SYCE1: variants seen among roughly 807,000 people sequenced by gnomAD.
The protein encoded by SYCE1 is cancer/testis antigen 76.
A neutral mutation model predicts 55.1 loss-of-function variants in SYCE1; 37 were observed. The observed-to-expected ratio is 0.67, with a 90% CI of 0.52 to 0.88. The LOEUF (loss-of-function observed/expected upper bound fraction) is 0.88. Ranked by LOEUF, SYCE1 falls within the 40% of genes least tolerant of loss-of-function variation. SYCE1 has a pLI of 0.00. For synonymous variants in SYCE1, 163 were observed against 159.4 expected (o/e 1.02, Z -0.17); for missense variants, 399 against 416.4 (o/e 0.96, Z 0.36).
chr10:133,555,460 G>T (rs762993738), intron 11 of SYCE1, 22 bp from the exon 12 acceptor site: 1 of 1,613,574 alleles, frequency 6.2e-7, no homozygotes, highest in Non-Finnish European at 8.5e-7. Context: ...GAGGTAGGAT[G>T]GGGGAAGGAA....
chr10:133,557,208 C>A, intron 6 of SYCE1, 52 bp from the exon 7 acceptor site: 1 of 1,519,794 alleles, frequency 6.6e-7, no homozygotes, highest in South Asian at 1.1e-5. Context: ...CCCAGGAGGG[C>A]ACTGGGCTGG....
intron 1 of SYCE1, chr10:133,561,134 T>G (rs927581666): frequency 4.6e-5 from 7 of 152,158 alleles, no homozygotes; most frequent in African/African-American, 1.7e-4. Flanking sequence ...CCTGCCACCC[T>G]GGGCACAGGT....
upstream of SYCE1, among the ~76,000 whole-genome samples, chr10:133,567,528 A>G (rs551858139): frequency 4.6e-5 from 7 of 152,024 alleles, no homozygotes; most frequent in Non-Finnish European, 1.0e-4. Flanking sequence ...GGGCTGTGAG[A>G]TCCACTCTTC....
At position 133,563,754 on chromosome 10, in the gene SYCE1, C is replaced by A. The variant is rs996057949; in HGVS notation, c.73+1703G>T. Reference sequence around the variant, plus strand: ...CTTATTTTTGAGTTTATGGAGTCCCCTCATTTTGGTCCCACCTGAAATCTT... The same window carrying A: ...CTTATTTTTGAGTTTATGGAGTCCCATCATTTTGGTCCCACCTGAAATCTT... On this transcript the variant is annotated intron_variant, in intron 1 of 12. Transcript: ENST00000343131. 3.3e-5 allele frequency among the ~76,000 whole-genome samples: 5 copies of A among 150,002 alleles called. No individual in the cohort carries two copies. The South Asian group carries it at 8.8e-4, about 26-fold the overall frequency.
intron 1 of SYCE1, among the ~76,000 whole-genome samples, chr10:133,563,235 A>T (rs1851855915): frequency 6.6e-6 from 1 of 152,240 alleles, no homozygotes; most frequent in African/African-American, 2.4e-5. Context: ...TGTCCTAAGT[A>T]ATTCTGGATA....
At chr10:133,568,223 C>T (rs370767514), upstream of SYCE1, 14 of 1,305,542 alleles carry the variant, frequency 1.1e-5, no homozygotes, top group Admixed American at 6.0e-5. Flanking sequence ...CTGTTGCCTC[C>T]GGGAACCCAG....
At chr10:133,565,036 G>A (rs527247458) in intron 1 of SYCE1, among the ~76,000 whole-genome samples, 32 of 152,294 alleles carry the variant, frequency 2.1e-4, no homozygotes, top group African/African-American at 7.7e-4. Context: ...TGCTGGGTGG[G>A]GGGCCCCACT....
At chr10:133,554,211 T>C, downstream of SYCE1, 2 of 1,370,080 alleles carry the variant, frequency 1.5e-6, no homozygotes, top group Non-Finnish European at 1.0e-6. Context: ...TCGTCTGTCC[T>C]GGACTGACTG....
upstream of SYCE1, among the ~76,000 whole-genome samples, chr10:133,567,532 A>T (rs1669215151): frequency 6.6e-6 from 1 of 151,698 alleles, no homozygotes; most frequent in Non-Finnish European, 1.5e-5. Context: ...TGTGAGATCC[A>T]CTCTTCTGGG....
At chr10:133,556,419 A>C (rs1265519656) in intron 8 of SYCE1, 1 of 519,586 alleles carries the variant, frequency 1.9e-6, no homozygotes, top group Non-Finnish European at 3.5e-6. Flanking sequence ...TTCCTTCCTG[A>C]CACTCACTGT....
upstream of SYCE1, chr10:133,567,881 G>A (rs1217136247): frequency 1.9e-5 from 9 of 485,902 alleles, no homozygotes; most frequent in African/African-American, 5.9e-5. Context: ...CTAGGTGGGA[G>A]GTGGGAGGCT....
In SYCE1 at chr10:133,557,866, G is replaced by T; in HGVS notation, c.372C>A (p.His124Gln). The T allele has an allele frequency of 6.2e-7, 1 of 1,614,126 alleles. No individual in the cohort carries two copies. Among genetic ancestry groups the T allele is most frequent in the South Asian group, 1.1e-5 (1 of 91,084 alleles). ...TAGGCTCAGCTGGAAGCTCTTACCT[G>T]TGTGCCTCACTTTCCTTTTCCTGGC... ...LHCQEKESEA[H>Q]RKHTMLQECK... is the part of the protein sequence containing the mutation. Residue 124 changes from histidine to glutamine, a missense_variant and splice_region_variant, in exon 6 of 13, where the codon CAC becomes CAA. Transcript: ENST00000343131.
rs373037508 is a variant in SYCE1 at position 133,556,829 on chromosome 10, A to G, written c.465-7T>C. On this transcript the variant is annotated splice_region_variant and splice_polypyrimidine_tract_variant and intron_variant, in intron 7 of 12. Coordinates refer to ENST00000343131, the MANE Select transcript of SYCE1 (RefSeq NM_001143764.3). Reference sequence around the variant, plus strand: ...CTGTTCCTCGAATGCCAACCTGGGAACCAACCACAGGCATGAGGGGATATG... The same window carrying G: ...CTGTTCCTCGAATGCCAACCTGGGAGCCAACCACAGGCATGAGGGGATATG... 5.0e-6 allele frequency: 8 copies of G among 1,593,574 alleles called. No homozygotes were observed. Among genetic ancestry groups the G allele is most frequent in the Non-Finnish European group, 6.0e-6 (7 of 1,169,796 alleles).
downstream of SYCE1, chr10:133,554,417 G>C (rs1461588452): frequency 1.7e-6 from 2 of 1,181,028 alleles, no homozygotes; most frequent in Admixed American, 3.4e-5. Context: ...GGTCTTGATT[G>C]GGTCAACGCA....
chr10:133,565,891 A>G (rs1462818773), upstream of SYCE1, among the ~76,000 whole-genome samples: 2 of 152,198 alleles, frequency 1.3e-5, no homozygotes, highest in African/African-American at 4.8e-5. Flanking sequence ...GCTTCCTGTG[A>G]AGTGTGCGTG....
At chr10:133,559,763 C>T (rs563343496) in intron 2 of SYCE1, 2 of 356,816 alleles carry the variant, frequency 5.6e-6, no homozygotes, top group African/African-American at 2.1e-5. Context: ...AGGAGCCTAG[C>T]GAGCAAAGAG....
upstream of SYCE1, among the ~76,000 whole-genome samples, chr10:133,567,630 C>T (rs1851979632): frequency 1.3e-5 from 2 of 152,210 alleles, no homozygotes; most frequent in South Asian, 4.1e-4. Flanking sequence ...TTGGGGAGGG[C>T]CTGATTCCTC....
At chr10:133,556,211 G>T in intron 8 of SYCE1, 164 bp from the exon 9 acceptor site, 1 of 717,100 alleles carries the variant, frequency 1.4e-6, no homozygotes, top group Non-Finnish European at 2.3e-6. Flanking sequence ...CATGGCACTG[G>T]CCATTCCCTC....
At chr10:133,565,402 C>T (rs1319648951) in intron 1 of SYCE1, 55 bp downstream of exon 1, 16 of 1,453,466 alleles carry the variant, frequency 1.1e-5, no homozygotes, top group African/African-American at 2.9e-5. Context: ...CCCAACCCTG[C>T]CCCGCCTCGG....
Sources: allele counts gnomAD v4.1 joint callset (sites outside exome capture counted in the v4.1 genomes callset), GRCh38; gene constraint gnomAD v4.1.1; transcripts MANE v1.5; gene names NCBI Gene and HGNC (gene_info 2026-07-23, HGNC 2026-07-21).